Variants in TNRC6A observed in about 807,000 individuals in gnomAD.
TNRC6A encodes the protein trinucleotide repeat containing adaptor 6A.
A neutral mutation model predicts 221.2 loss-of-function variants in TNRC6A; 44 were observed. The observed-to-expected ratio is 0.20, with a 90% CI of 0.16 to 0.26. TNRC6A has a LOEUF of 0.26. Among genes scored for constraint, TNRC6A ranks in the 10% least tolerant of loss-of-function variants. The pLI, the probability that TNRC6A is intolerant of heterozygous loss-of-function variation, is 1.00. For synonymous variants in TNRC6A, 847 were observed against 838.5 expected, an observed-to-expected ratio of 1.01 and a Z score of -0.18; for missense variants, 2,199 against 2,404.4, an observed-to-expected ratio of 0.91 and a Z score of 1.79.
chr16:24,796,125 C>T, intron 9 of TNRC6A, 186 bp downstream of exon 9: 2 of 520,802 alleles, frequency 3.8e-6, no homozygotes, highest in Non-Finnish European at 6.8e-6. Context: ...ATTAGGAGAG[C>T]TTCATAGAAG....
Position 24,791,199 on chromosome 16 carries a change from G to C in TNRC6A, c.2557G>C (p.Ala853Pro). Residue 853 changes from alanine to proline, a missense_variant, in exon 6 of 25, where the codon GCC becomes CCC. Physicochemically the swap from Ala to Pro is conservative, Grantham distance 27 (BLOSUM62 -1). Transcript: ENST00000395799. Reference protein sequence around the residue: ...QKSSQGWSVSASDNWGETSRN... With the variant: ...QKSSQGWSVSPSDNWGETSRN... ...ATCAAGCCAAGGGTGGTCTGTTTCT[G>C]CCAGTGATAACTGGGGAGAAACTTC... 6.2e-7 allele frequency: 1 copy of C among 1,614,176 alleles called. No individual in the cohort carries two copies. The highest frequency in any genetic ancestry group is 8.5e-7 in the Non-Finnish European group (1 of 1,180,026).
chr16:24,815,562 T>C (rs2058639213), intron 19 of TNRC6A: 1 of 455,000 alleles, frequency 2.2e-6, no homozygotes. Flanking sequence ...AAGAATTATA[T>C]TAAAAACTTT....
chr16:24,797,301 G>A (rs1332014207), intron 9 of TNRC6A, among the ~76,000 whole-genome samples, 189 bp from the exon 10 acceptor site: 3 of 152,116 alleles, frequency 2.0e-5, no homozygotes, highest in Non-Finnish European at 4.4e-5. Flanking sequence ...CAGAGGACTG[G>A]AGCAAAGGAA....
At chr16:24,653,923 C>T (rs536707787) in intron 2 of TNRC6A, among the ~76,000 whole-genome samples, 1 of 152,200 alleles carries the variant, frequency 6.6e-6, no homozygotes, top group East Asian at 1.9e-4. Flanking sequence ...TTGGCAGGGG[C>T]AGACCAAGAC....
At chr16:24,679,892 A>C (rs1285210890) in intron 2 of TNRC6A, among the ~76,000 whole-genome samples, 1 of 152,190 alleles carries the variant, frequency 6.6e-6, no homozygotes, top group Non-Finnish European at 1.5e-5. Context: ...TACAGGTGTG[A>C]GCCACTGTAC....
In TNRC6A at chr16:24,791,670, G is replaced by C; in HGVS notation, c.3028G>C (p.Asp1010His). 6.2e-7 allele frequency: 1 copy of C among 1,613,716 alleles called. No individual in the cohort carries two copies. Among genetic ancestry groups the C allele is most frequent in the Non-Finnish European group, 8.5e-7 (1 of 1,179,914 alleles). Residue 1010 changes from aspartate to histidine, a missense_variant, in exon 6 of 25, where the codon GAT becomes CAT. Asp to His is a moderately conservative substitution (Grantham distance 81). Transcript: ENST00000395799. ...TGATGATGGAACTTCAGCTTGGGGA[G>C]ATCCAAGCAAATACAACTACAAAAA... The part of the protein sequence containing the change: ...EIDDGTSAWG[D>H]PSKYNYKNVN...
intron 4 of TNRC6A, among the ~76,000 whole-genome samples, chr16:24,772,639 C>T (rs187303632): frequency 9.9e-5 from 15 of 152,120 alleles, no homozygotes; most frequent in East Asian, 1.9e-4. Flanking sequence ...AAAAATTAGC[C>T]GGGGCTGGTG....
intron 2 of TNRC6A, among the ~76,000 whole-genome samples, chr16:24,744,971 A>G (rs565799775): frequency 2.6e-5 from 4 of 152,272 alleles, no homozygotes; most frequent in Non-Finnish European, 4.4e-5. Flanking sequence ...ATCCTTTCAC[A>G]TCAGGGTGTA....
intron 9 of TNRC6A, among the ~76,000 whole-genome samples, chr16:24,797,094 A>C (rs1283248370): frequency 6.6e-6 from 1 of 152,230 alleles, no homozygotes; most frequent in Non-Finnish European, 1.5e-5. Flanking sequence ...TCTTTGGACT[A>C]ACCTTAGAAC....
In TNRC6A at chr16:24,730,290, A is replaced by C; in HGVS notation, c.43A>C (p.Asn15His). 1.9e-6 allele frequency: 3 copies of C among 1,603,060 alleles called. No individual in the cohort carries two copies. Among genetic ancestry groups the C allele is most frequent in the East Asian group, 4.6e-5 (2 of 43,184 alleles). Residue 15 changes from asparagine (N) to histidine (H), a missense_variant, in exon 2 of 25, where the codon AAT becomes CAT. Around this residue, in one of 8 missense-constraint regions of TNRC6A, gnomAD observed 1,405 missense variants for 1,400.2 expected, o/e 1.00. Transcript: ENST00000395799. ...TAAAGCTACCAAAGACGTAGAAAGA[A>C]ATCTTAGCAGGTAAGATGGGCGAGC... ...EAKATKDVER[N>H]LSRDLVQEEE...
intron 2 of TNRC6A, chr16:24,664,050 G>T (rs940824992): frequency 1.4e-5 from 6 of 431,344 alleles, no homozygotes; most frequent in Admixed American, 1.2e-4. Flanking sequence ...AGGAGGCTGG[G>T]AGTGGTGGCT....
At position 24,702,666 on chromosome 16, in the gene TNRC6A, T is replaced by A. The variant is rs374775728; in HGVS notation, n.403-48060T>A. ...CGGTGACACCTCTTGAAACCAGGGG[T>A]TCGAGGCTGCAGTGAGCTGTGATCA... On this transcript the variant is annotated intron_variant and non_coding_transcript_variant, in intron 2 of 2. Transcript: ENST00000566108. Among the ~76,000 whole-genome samples, 7 of 152,128 alleles carry A rather than the reference T, an allele frequency of 4.6e-5. No homozygotes were observed. The South Asian group carries it at 1.5e-3, about 32-fold the overall frequency.
At chr16:24,822,725 G>T in intron 23 of TNRC6A, 149 bp from the exon 24 acceptor site, 3 of 1,136,576 alleles carry the variant, frequency 2.6e-6, no homozygotes, top group Non-Finnish European at 3.7e-6. Flanking sequence ...TCTGCACCCC[G>T]TCAGAGCAAC....
chr16:24,815,011 TA>T, intron 18 of TNRC6A, 135 bp from the exon 19 acceptor site: 1 of 904,610 alleles, frequency 1.1e-6, no homozygotes, highest in Non-Finnish European at 1.7e-6. Context: ...AATCTCAATA[TA>T]AAAGAGTTAC....
intron 2 of TNRC6A, among the ~76,000 whole-genome samples, chr16:24,688,171 C>G (rs980687230): frequency 4.0e-5 from 6 of 151,504 alleles, no homozygotes; most frequent in African/African-American, 1.2e-4. Flanking sequence ...GATCTCCTGA[C>G]CTCGTGATCT....
At chr16:24,745,472 A>G (rs1159682071) in intron 2 of TNRC6A, among the ~76,000 whole-genome samples, 1 of 152,202 alleles carries the variant, frequency 6.6e-6, no homozygotes, top group African/African-American at 2.4e-5. Flanking sequence ...GGAGAACAGA[A>G]TGTTTTTTGG....
intron 2 of TNRC6A, among the ~76,000 whole-genome samples, chr16:24,713,490 A>G (rs1309127228): frequency 4.6e-5 from 7 of 151,988 alleles, no homozygotes; most frequent in Admixed American, 4.6e-4. Context: ...TTTTCTTTTA[A>G]TGCTTGAAAT....
upstream of TNRC6A, among the ~76,000 whole-genome samples, chr16:24,724,950 A>T (rs2056468066): frequency 6.6e-6 from 1 of 152,166 alleles, no homozygotes; most frequent in Admixed American, 6.5e-5. Context: ...TTTCCAAAGT[A>T]TTAGGCTCAT....
At chr16:24,798,540 T>C (rs1249523744) in intron 11 of TNRC6A, among the ~76,000 whole-genome samples, 1 of 152,198 alleles carries the variant, frequency 6.6e-6, no homozygotes, top group African/African-American at 2.4e-5. Flanking sequence ...ATAGAAAACA[T>C]TGGCAGCAGG....
Sources: allele counts gnomAD v4.1 joint callset (sites outside exome capture counted in the v4.1 genomes callset), GRCh38; gene constraint gnomAD v4.1.1; regional missense constraint gnomAD v4.1.1; transcripts MANE v1.5; gene names NCBI Gene and HGNC (gene_info 2026-07-23, HGNC 2026-07-21).